CREB3L1: variants seen among roughly 807,000 people sequenced by gnomAD.
The protein encoded by CREB3L1 is cyclic AMP-responsive element-binding protein 3-like protein 1.
In CREB3L1, 33 loss-of-function variants were observed where a neutral mutation model predicts 54.5. The observed-to-expected ratio is 0.61, with a 90% CI of 0.46 to 0.81. The LOEUF is 0.81. Among genes scored for constraint, CREB3L1 ranks in the 30% least tolerant of loss-of-function variants. The probability of loss-of-function intolerance (pLI) is 0.00; values close to 1 mark genes in which losing one functional copy is unlikely to be tolerated. For missense variants in CREB3L1, 656 were observed against 673.3 expected (o/e 0.97, Z 0.29); for synonymous variants, 284 against 286.4 (o/e 0.99, Z 0.08).
At chr11:46,293,596 T>C (rs1287995648) in intron 1 of CREB3L1, among the ~76,000 whole-genome samples, 1 of 152,212 alleles carries the variant, frequency 6.6e-6, no homozygotes, top group African/African-American at 2.4e-5. Flanking sequence ...TCCTCTCTCC[T>C]TCCTTTCTCC....
chr11:46,286,596 C>A (rs1475632653), intron 1 of CREB3L1, among the ~76,000 whole-genome samples: 1 of 152,048 alleles, frequency 6.6e-6, no homozygotes, highest in Non-Finnish European at 1.5e-5. Flanking sequence ...ACCAGCCTGG[C>A]CAACATGGTG....
chr11:46,319,037 A>G (rs1264991078), intron 10 of CREB3L1, among the ~76,000 whole-genome samples: 1 of 152,180 alleles, frequency 6.6e-6, no homozygotes, highest in Non-Finnish European at 1.5e-5. Context: ...TGCTTTTCCA[A>G]GGCCACAGAA....
intron 1 of CREB3L1, among the ~76,000 whole-genome samples, chr11:46,294,008 TG>T (rs1939167940): frequency 6.6e-6 from 1 of 152,198 alleles, no homozygotes; most frequent in African/African-American, 2.4e-5. Context: ...TGTACAAGGC[TG>T]CACATGGAAC....
chr11:46,316,654 G>C (rs939381529), intron 9 of CREB3L1, among the ~76,000 whole-genome samples: 1 of 152,214 alleles, frequency 6.6e-6, no homozygotes, highest in African/African-American at 2.4e-5. Context: ...GGGACAGCTG[G>C]GCAGGTTCCT....
At chr11:46,294,915 T>TC (rs1317050981) in intron 1 of CREB3L1, among the ~76,000 whole-genome samples, 3 of 151,808 alleles carry the variant, frequency 2.0e-5, no homozygotes, top group Non-Finnish European at 4.4e-5. Flanking sequence ...GAGAGGCCTC[T>TC]CCTCCCATCT....
chr11:46,300,037 C>A lies in CREB3L1; in HGVS notation c.205C>A (p.Pro69Thr). ...FDDPVLDEKS[P>T]LLDMELDSPT... ...TGACCCTGTGCTGGATGAGAAGAGC[C>A]CTCTATTGGACATGGAACTGGACTC... The change falls in exon 2 of 12, where the codon CCT becomes ACT. Residue 69 changes from proline to threonine, a missense_variant. Physicochemically the swap from Pro to Thr is conservative, Grantham distance 38. Transcript: ENST00000621158. 1 of 1,613,944 alleles carries A rather than the reference C, an allele frequency of 6.2e-7. No individual in the cohort carries two copies. The highest frequency in any genetic ancestry group is 8.5e-7 in the Non-Finnish European group (1 of 1,179,860).
intron 10 of CREB3L1, among the ~76,000 whole-genome samples, chr11:46,319,892 A>AAG (rs1566194760): frequency 1.3e-5 from 2 of 148,406 alleles, no homozygotes; most frequent in Admixed American, 6.7e-5. Flanking sequence ...AAAAAAAAAA[A>AAG]GGGAGATAGA....
chr11:46,305,830 C>A (rs188566864), intron 2 of CREB3L1, among the ~76,000 whole-genome samples: 1 of 149,460 alleles, frequency 6.7e-6, no homozygotes, highest in Non-Finnish European at 1.5e-5. Flanking sequence ...CTCCGCCTCC[C>A]GGGTTCATGC....
Position 46,278,319 on chromosome 11 carries a change from G to T in CREB3L1, c.102+106G>T. The T allele has an allele frequency of 1.5e-6, 1 of 659,028 alleles. No individual in the cohort carries two copies. Among genetic ancestry groups the T allele is most frequent in the Non-Finnish European group, 2.5e-6 (1 of 394,668 alleles). The allele number at this position is 659,028 out of a possible 1,614,324, so 40.8% of individuals were successfully genotyped here. On this transcript the variant is annotated intron_variant, in intron 1 of 11. Coordinates refer to ENST00000621158, the MANE Select transcript of CREB3L1 (RefSeq NM_052854.4). This position sits in a 1 kb window ranked among gnomAD's most constrained non-coding sequence, Gnocchi z 4.2. ...CTACACATCACTGGGCAGGAGCCGG[G>T]GAGAGGGTTCAGCGCAGGGTCTCCA...
At chr11:46,316,507 C>A in intron 9 of CREB3L1, 122 bp downstream of exon 9, 1 of 665,690 alleles carries the variant, frequency 1.5e-6, no homozygotes, top group Non-Finnish European at 2.6e-6. Flanking sequence ...CCAGGGTACA[C>A]CATCCTGGCG....
intron 1 of CREB3L1, among the ~76,000 whole-genome samples, chr11:46,296,124 C>A (rs527401390): frequency 4.7e-4 from 71 of 152,320 alleles, no homozygotes; most frequent in Middle Eastern, 3.4e-3. Flanking sequence ...TCGTGAACTC[C>A]TGGCCGCCGA....
chr11:46,294,892 A>C (rs942654285), intron 1 of CREB3L1, among the ~76,000 whole-genome samples: 1 of 151,448 alleles, frequency 6.6e-6, no homozygotes, highest in Non-Finnish European at 1.5e-5. Context: ...GGGGGAAAGA[A>C]AGGGGGAAAT....
In CREB3L1 at chr11:46,300,070, C is replaced by T. The variant is rs1276294951; in HGVS notation, c.238C>T (p.Pro80Ser). The T allele has an allele frequency of 1.9e-6, 3 of 1,613,932 alleles. No individual in the cohort carries two copies. Among genetic ancestry groups the T allele is most frequent in the Non-Finnish European group, 2.5e-6 (3 of 1,179,862 alleles). The change falls in exon 2 of 12, where the codon CCA becomes TCA. Residue 80 changes from proline to serine, a missense_variant. Transcript: ENST00000621158. ...LLDMELDSPT[P>S]GIQAEHSYSL... ...GGACATGGAACTGGACTCCCCTACG[C>T]CAGGCATCCAGGCGGAGCACAGCTA...
At position 46,278,082 on chromosome 11, in the gene CREB3L1, A is replaced by C; in HGVS notation, c.-30A>C. The C allele has an allele frequency of 7.2e-7, 1 of 1,390,556 alleles. No homozygotes were observed. Among genetic ancestry groups the C allele is most frequent in the Non-Finnish European group, 9.8e-7 (1 of 1,022,660 alleles). 86.1% of individuals were successfully genotyped at this position (1,390,556 alleles called of 1,614,324 possible). ...CGCCGCCCTGGAGTGAGGGAAGCCC[A>C]GTGGAAGGGGGTCCCGGGAGCCGGC... On this transcript the variant is annotated 5_prime_UTR_variant, in exon 1 of 12. Transcript: ENST00000621158. The surrounding 1 kb of genome is among the most constrained non-coding windows in gnomAD (Gnocchi z 4.2).
chr11:46,294,580 T>G (rs137949911), intron 1 of CREB3L1, among the ~76,000 whole-genome samples: 232 of 152,198 alleles, frequency 1.5e-3, no homozygotes, highest in African/African-American at 5.4e-3. Context: ...CAGTGCGTTT[T>G]CTCCTTCACA....
chr11:46,317,451 C>A lies in CREB3L1; in HGVS notation c.1222C>A (p.Pro408Thr), dbSNP rs553082827. The change falls in exon 10 of 12, where the codon CCC becomes ACC. Residue 408 changes from proline (P) to threonine (T), a missense_variant. Pro to Thr is a conservative substitution (Grantham distance 38, BLOSUM62 -1). Transcript: ENST00000621158. ...SSGSQTVKED[P>T]LAADGVYTAS... ...CGGCTCCCAGACTGTGAAGGAAGACCCCCTGGCCGCAGACGGCGTCTACAC... is the reference window on the plus strand; with the variant it reads ...CGGCTCCCAGACTGTGAAGGAAGACACCCTGGCCGCAGACGGCGTCTACAC... 4 of 1,612,736 alleles carry A rather than the reference C, an allele frequency of 2.5e-6. No individual in the cohort carries two copies. Among genetic ancestry groups the A allele is most frequent in the Admixed American group, 1.7e-5 (1 of 59,994 alleles).
chr11:46,279,949 C>T (rs1938942106), intron 1 of CREB3L1, among the ~76,000 whole-genome samples: 1 of 152,162 alleles, frequency 6.6e-6, no homozygotes, highest in African/African-American at 2.4e-5. Flanking sequence ...GAGGCACGAC[C>T]AGACAGTGGG....
At chr11:46,313,001 G>A (rs1939514989) in intron 8 of CREB3L1, 82 bp downstream of exon 8, 4 of 1,068,450 alleles carry the variant, frequency 3.7e-6, no homozygotes, top group Non-Finnish European at 5.4e-6. Flanking sequence ...TGGGAGACAG[G>A]GGAGAGGAGA....
At chr11:46,300,708 T>TA (rs1164539013) in intron 2 of CREB3L1, among the ~76,000 whole-genome samples, 63 of 147,622 alleles carry the variant, frequency 4.3e-4, no homozygotes, top group African/African-American at 1.2e-3. Context: ...CCGTCTCTAC[T>TA]AAAAAAAAAA....
Sources: gnomAD v4.1 joint callset for allele counts (sites outside exome capture counted in the v4.1 genomes callset) on GRCh38, gnomAD v4.1.1 for gene constraint, Gnocchi (gnomAD v3.1) non-coding constraint, MANE v1.5 for transcripts, NCBI Gene and HGNC (gene_info 2026-07-23, HGNC 2026-07-21) for gene names.